PRP4K: variants seen among roughly 807,000 people sequenced by gnomAD.
The protein encoded by PRP4K is serine/threonine-protein kinase PRP4 homolog.
At chr6:4,021,525 T>A in the PRP4K span, 1 of 1,554,194 alleles carries the variant, frequency 6.4e-7, no homozygotes, top group Non-Finnish European at 8.7e-7. Flanking sequence ...GAGTGGGAGC[T>A]GCACGGGGTG....
At chr6:4,027,612 G>GGGGGGGGGT in the PRP4K span, among the ~76,000 whole-genome samples, 2 of 70,690 alleles carry the variant, frequency 2.8e-5, no homozygotes, top group African/African-American at 9.3e-5. Context: ...GGGGGGTGGG[G>GGGGGGGGGT]TGGGGGTTGG....
the PRP4K span, among the ~76,000 whole-genome samples, chr6:4,043,560 G>C: frequency 6.6e-6 from 1 of 152,048 alleles, no homozygotes; most frequent in Non-Finnish European, 1.5e-5. Flanking sequence ...ACAATAAATG[G>C]TGCCTCATCT....
At chr6:4,055,990 G>A in the PRP4K span, among the ~76,000 whole-genome samples, 1 of 151,990 alleles carries the variant, frequency 6.6e-6, no homozygotes, top group Non-Finnish European at 1.5e-5. Context: ...AGGTATTCAG[G>A]GTCTTTTTAG....
At chr6:4,042,845 A>C in the PRP4K span, among the ~76,000 whole-genome samples, 7 of 152,212 alleles carry the variant, frequency 4.6e-5, no homozygotes, top group African/African-American at 1.7e-4. Flanking sequence ...CTTTCTTTTT[A>C]AGTTAATGAA....
At chr6:4,059,712 CT>C in the PRP4K span, among the ~76,000 whole-genome samples, 701 of 152,190 alleles carry the variant, frequency 4.6e-3, 3 homozygotes, top group Non-Finnish European at 7.2e-3. Context: ...ATGGCACGAT[CT>C]TGGCTCACAG....
At chr6:4,031,677 C>T in the PRP4K span, 3 of 1,605,068 alleles carry the variant, frequency 1.9e-6, no homozygotes, top group Non-Finnish European at 2.6e-6. Flanking sequence ...CAGAAGTAAA[C>T]ATAAGAAACA....
chr6:4,058,626 A>C, the PRP4K span: 2 of 878,314 alleles, frequency 2.3e-6, no homozygotes, highest in Non-Finnish European at 3.6e-6. Flanking sequence ...AAACCTACAG[A>C]GACTAAATAA....
At chr6:4,035,864 C>G in the PRP4K span, among the ~76,000 whole-genome samples, 9 of 152,004 alleles carry the variant, frequency 5.9e-5, no homozygotes, top group African/African-American at 1.9e-4. Flanking sequence ...CTACTCAAGG[C>G]TGAGGCGGGA....
chr6:4,046,215 A>C, the PRP4K span, among the ~76,000 whole-genome samples: 2 of 152,208 alleles, frequency 1.3e-5, no homozygotes, highest in Non-Finnish European at 2.9e-5. Context: ...TGTATTACCA[A>C]ATTCCACTCT....
At chr6:4,032,154 A>G in the PRP4K span, 1 of 1,613,794 alleles carries the variant, frequency 6.2e-7, no homozygotes. Flanking sequence ...AGAGAAAACA[A>G]CTAGGAGCAA....
chr6:4,047,436 C>T, the PRP4K span, among the ~76,000 whole-genome samples: 1 of 152,100 alleles, frequency 6.6e-6, no homozygotes, highest in Non-Finnish European at 1.5e-5. Context: ...AATTTTAAGA[C>T]AGGTATGGCA....
the PRP4K span, among the ~76,000 whole-genome samples, chr6:4,059,510 G>C: frequency 2.1e-4 from 32 of 152,186 alleles, no homozygotes; most frequent in African/African-American, 7.5e-4. Flanking sequence ...CTTTGTCAGA[G>C]CACTTAATAA....
At chr6:4,034,935 ACTT>A in the PRP4K span, among the ~76,000 whole-genome samples, 9 of 151,776 alleles carry the variant, frequency 5.9e-5, no homozygotes, top group Admixed American at 1.3e-4. Flanking sequence ...CTGGTCTTGA[ACTT>A]CTGACCTCGT....
the PRP4K span, chr6:4,042,623 T>C: frequency 7.1e-7 from 1 of 1,415,068 alleles, no homozygotes; most frequent in Non-Finnish European, 9.8e-7. Flanking sequence ...TTTTTTGCTT[T>C]AACAAAAATG....
At chr6:4,057,312 A>G in the PRP4K span, 8 of 934,278 alleles carry the variant, frequency 8.6e-6, no homozygotes, top group Non-Finnish European at 1.3e-5. Flanking sequence ...GATGGCTATC[A>G]TGATTTCTTA....
At chr6:4,036,046 G>A in the PRP4K span, among the ~76,000 whole-genome samples, 3 of 152,072 alleles carry the variant, frequency 2.0e-5, no homozygotes, top group Non-Finnish European at 4.4e-5. Context: ...CAATCTGACT[G>A]TTCAGATTGA....
chr6:4,058,421 G>A, the PRP4K span, among the ~76,000 whole-genome samples: 2 of 152,194 alleles, frequency 1.3e-5, no homozygotes, highest in Admixed American at 1.3e-4. Flanking sequence ...ATATTTTTAG[G>A]AAGAAATAAT....
At chr6:4,052,415 G>A in the PRP4K span, among the ~76,000 whole-genome samples, 6 of 152,204 alleles carry the variant, frequency 3.9e-5, no homozygotes, top group Non-Finnish European at 8.8e-5. Context: ...ATCTTCAACA[G>A]TGTGGCTTTG....
the PRP4K span, chr6:4,060,831 T>C: frequency 1.8e-6 from 1 of 556,618 alleles, no homozygotes; most frequent in South Asian, 2.3e-5. This position sits in a 1 kb window ranked among gnomAD's most constrained non-coding sequence, Gnocchi z 4.7. Context: ...TGTTTTAAAT[T>C]GCCAAGACTG....
Sources: allele counts gnomAD v4.1 joint callset (sites outside exome capture counted in the v4.1 genomes callset), GRCh38; gene constraint gnomAD v4.1.1; non-coding constraint Gnocchi (gnomAD v3.1); transcripts MANE v1.5; gene names NCBI Gene and HGNC (gene_info 2026-07-23, HGNC 2026-07-21).